The following GLI2 variants were observed in gnomAD, a reference collection of about 807,000 sequenced individuals.
GLI2 encodes GLI family zinc finger 2.
Under a neutral mutation model 78.9 loss-of-function variants are expected in GLI2, and 22 were observed. The ratio of observed to expected loss-of-function variants is 0.28; its 90% CI spans 0.20 to 0.40. The LOEUF is 0.40. Ranked by LOEUF, GLI2 falls within the 10% of genes least tolerant of loss-of-function variation. GLI2 has a pLI of 1.00. For synonymous variants in GLI2, 974 were observed against 963.7 expected, an observed-to-expected ratio of 1.01 and a Z score of -0.20; for missense variants, 2,097 against 2,213.2, an observed-to-expected ratio of 0.95 and a Z score of 1.05.
At chr2:120,851,236 A>G (rs531440057) in intron 2 of GLI2, among the ~76,000 whole-genome samples, 1 of 152,354 alleles carries the variant, frequency 6.6e-6, no homozygotes, top group East Asian at 1.9e-4. Flanking sequence ...GCAGCATGGA[A>G]CAGGCCTCTC....
chr2:120,846,551 G>A (rs575617645), intron 2 of GLI2, among the ~76,000 whole-genome samples: 35 of 152,246 alleles, frequency 2.3e-4, no homozygotes, highest in African/African-American at 7.2e-4. Context: ...GCACCTCTCC[G>A]GGCTGTTTTC....
chr2:120,919,830 A>G (rs1679280471), intron 2 of GLI2, among the ~76,000 whole-genome samples: 1 of 54,116 alleles, frequency 1.8e-5, no homozygotes. Flanking sequence ...GGCCTCCTAC[A>G]TGGTGACCCT....
At chr2:120,816,535 T>C (rs1685502922) in intron 2 of GLI2, among the ~76,000 whole-genome samples, 1 of 152,308 alleles carries the variant, frequency 6.6e-6, no homozygotes, top group African/African-American at 2.4e-5. Context: ...TATTGATATT[T>C]ACCTTGTTTG....
intron 4 of GLI2, 95 bp from the exon 5 acceptor site, chr2:120,955,150 T>C: frequency 1.4e-6 from 1 of 718,426 alleles, no homozygotes. Context: ...CATTTCTCTC[T>C]GCCTTTTTTT....
chr2:120,744,677 A>C (rs1237668733), intron 1 of GLI2, among the ~76,000 whole-genome samples: 2 of 152,240 alleles, frequency 1.3e-5, no homozygotes, highest in Non-Finnish European at 2.9e-5. Flanking sequence ...CTTTAGAATT[A>C]GATTTTTGTT....
chr2:120,943,932 G>A (rs1210843037), intron 3 of GLI2, among the ~76,000 whole-genome samples: 4 of 152,144 alleles, frequency 2.6e-5, no homozygotes, highest in Non-Finnish European at 4.4e-5. Context: ...GGAACATGCC[G>A]GTTCTTGCCC....
At chr2:120,947,613 A>C (rs1351496798) in intron 3 of GLI2, among the ~76,000 whole-genome samples, 1 of 152,102 alleles carries the variant, frequency 6.6e-6, no homozygotes, top group Non-Finnish European at 1.5e-5. Context: ...TATATTCCAA[A>C]TTGGCTTGTT....
chr2:120,757,426 A>G (rs549182509), intron 1 of GLI2, among the ~76,000 whole-genome samples: 1 of 152,270 alleles, frequency 6.6e-6, no homozygotes, highest in South Asian at 2.1e-4. Flanking sequence ...ATTCCTTGCT[A>G]TTGAGGTAAA....
chr2:120,800,461 G>A lies in GLI2; in HGVS notation c.148+2993G>A, dbSNP rs986764530. The stretch of plus-strand genomic sequence containing the variant: ...TTCACACCCTGATTTGCTGTCTGGC[G>A]GAAAGGGATGATTTATTATTATTAT... On this transcript the variant is annotated intron_variant, in intron 2 of 13. Transcript: ENST00000361492. This position sits in a 1 kb window ranked among gnomAD's most constrained non-coding sequence, Gnocchi z 4.1. 5.6e-5 allele frequency among the ~76,000 whole-genome samples: 8 copies of A among 142,162 alleles called. No individual in the cohort carries two copies. The highest frequency in any genetic ancestry group is 1.8e-4 in the African/African-American group (7 of 38,450). The allele number at this position is 142,162 out of a possible 152,430, so 93.3% of individuals were successfully genotyped here.
intron 2 of GLI2, among the ~76,000 whole-genome samples, chr2:120,912,196 C>G (rs1406385081): frequency 6.6e-6 from 1 of 151,850 alleles, no homozygotes; most frequent in South Asian, 2.1e-4. Context: ...ATCTTAAACC[C>G]TGTTTATTTA....
intron 2 of GLI2, among the ~76,000 whole-genome samples, chr2:120,860,252 G>A (rs914850702): frequency 6.6e-6 from 1 of 152,190 alleles, no homozygotes; most frequent in Admixed American, 6.5e-5. Context: ...AGGTCAAGCG[G>A]TCAGTACCAC....
At chr2:120,978,098 A>G (rs1359202699) in intron 9 of GLI2, among the ~76,000 whole-genome samples, 1 of 152,328 alleles carries the variant, frequency 6.6e-6, no homozygotes, top group Non-Finnish European at 1.5e-5. Flanking sequence ...GCTTTGCCCA[A>G]TATAGACGGT....
intron 1 of GLI2, among the ~76,000 whole-genome samples, chr2:120,774,707 C>T (rs1683626889): frequency 6.6e-6 from 1 of 152,216 alleles, no homozygotes; most frequent in Non-Finnish European, 1.5e-5. Flanking sequence ...CAGAGGGGAG[C>T]AGCAGCTGTC....
At chr2:120,919,818 C>G (rs1679280180) in intron 2 of GLI2, among the ~76,000 whole-genome samples, 1 of 138,806 alleles carries the variant, frequency 7.2e-6, no homozygotes, top group African/African-American at 2.7e-5. Flanking sequence ...AGCTACCGCA[C>G]TGGCCTCCTA....
intron 2 of GLI2, among the ~76,000 whole-genome samples, chr2:120,923,611 G>A (rs1297390865): frequency 6.6e-6 from 1 of 151,418 alleles, no homozygotes. Context: ...TCCACATACA[G>A]CAACACACAC....
intron 2 of GLI2, chr2:120,867,170 G>A (rs1415646551): frequency 1.3e-5 from 2 of 152,224 alleles, no homozygotes; most frequent in Non-Finnish European, 2.9e-5. Flanking sequence ...CTTCCTCTTG[G>A]GGCCACAGAG....
Position 120,988,433 on chromosome 2 carries a change from C to T in GLI2, c.2468C>T (p.Pro823Leu). The change falls in exon 14 of 14, where the codon CCC (proline) becomes CTC (leucine). Residue 823 changes from proline (P) to leucine (L), a missense_variant. By Grantham distance (98) the Pro-to-Leu change is moderately conservative. Coordinates refer to ENST00000361492, the MANE Select transcript of GLI2 (RefSeq NM_001374353.1). ...FSSRRSSEAS[P>L]LGAGRPHNAS... ...AGCCGCCGCTCCAGCGAGGCCTCGCCCCTGGGCGCCGGCCGCCCGCACAAC... is the reference window on the plus strand; with the variant it reads ...AGCCGCCGCTCCAGCGAGGCCTCGCTCCTGGGCGCCGGCCGCCCGCACAAC... 1 of 1,574,730 alleles carries T rather than the reference C, an allele frequency of 6.4e-7. No individual in the cohort carries two copies. The highest frequency in any genetic ancestry group is 8.5e-7 in the Non-Finnish European group (1 of 1,170,148).
At chr2:120,774,944 T>A (rs1028955377) in intron 1 of GLI2, among the ~76,000 whole-genome samples, 3 of 152,174 alleles carry the variant, frequency 2.0e-5, no homozygotes, top group Middle Eastern at 3.2e-3. Context: ...CGGGCTCCCA[T>A]GAGAGCCCAC....
chr2:120,804,521 G>A (rs184206447), intron 2 of GLI2, among the ~76,000 whole-genome samples: 10 of 152,386 alleles, frequency 6.6e-5, no homozygotes, highest in Non-Finnish European at 1.5e-5. Flanking sequence ...AGGGAGCTGA[G>A]TGGGCCACCT....
Sources: gnomAD v4.1 joint callset for allele counts (sites outside exome capture counted in the v4.1 genomes callset) on GRCh38, gnomAD v4.1.1 for gene constraint, Gnocchi (gnomAD v3.1) non-coding constraint, MANE v1.5 for transcripts, NCBI Gene and HGNC (gene_info 2026-07-23, HGNC 2026-07-21) for gene names.